Variants in RBMS3 observed in about 807,000 individuals in gnomAD.
The protein encoded by RBMS3 is RNA binding motif single stranded interacting protein 3.
RBMS3 carries 27 observed loss-of-function variants against 66.8 expected under a neutral mutation model. The observed-to-expected ratio is 0.40, with a 90% confidence interval of 0.30 to 0.56. RBMS3 has a LOEUF of 0.56. RBMS3 is among the 20% of genes least tolerant of loss of function. The pLI, the probability that RBMS3 is intolerant of heterozygous loss-of-function variation, is 0.40. For synonymous variants in RBMS3, 188 were observed against 183.0 expected (o/e 1.03, Z -0.22); for missense variants, 513 against 549.5 (o/e 0.93, Z 0.66).
intron 4 of RBMS3, among the ~76,000 whole-genome samples, chr3:29,656,241 T>G (rs1049029573): frequency 1.3e-5 from 2 of 152,192 alleles, no homozygotes; most frequent in African/African-American, 2.4e-5. Flanking sequence ...CACCACCCAG[T>G]CACTGGCTGA....
intron 4 of RBMS3, among the ~76,000 whole-genome samples, chr3:29,588,771 A>C (rs2047621995): frequency 6.6e-6 from 1 of 152,110 alleles, no homozygotes; most frequent in African/African-American, 2.4e-5. Context: ...GTCTTGGTTT[A>C]AAGGTTACTT....
At chr3:29,790,772 G>T (rs1367736120) in intron 6 of RBMS3, among the ~76,000 whole-genome samples, 14 of 152,122 alleles carry the variant, frequency 9.2e-5, no homozygotes, top group African/African-American at 2.9e-4. Flanking sequence ...GGATTTTGAA[G>T]TTTAAAATGC....
At chr3:29,364,653 C>A (rs1018728515) in intron 1 of RBMS3, among the ~76,000 whole-genome samples, 1 of 152,120 alleles carries the variant, frequency 6.6e-6, no homozygotes, top group African/African-American at 2.4e-5. Context: ...TTGGAAACAG[C>A]CATGAGAGTC....
At chr3:29,500,063 TTTC>T (rs200645552) in intron 3 of RBMS3, among the ~76,000 whole-genome samples, 16,628 of 145,450 alleles carry the variant, frequency 0.11, 1,204 homozygotes, top group African/African-American at 0.24. Context: ...TGAGAAGGAT[TTTC>T]TTTTTTTTTT....
intron 1 of RBMS3, among the ~76,000 whole-genome samples, chr3:29,291,390 A>G (rs2032800097): frequency 6.6e-6 from 1 of 151,928 alleles, no homozygotes; most frequent in Admixed American, 6.6e-5. Flanking sequence ...AAATGTCATT[A>G]ACATTCTTTG....
chr3:29,475,532 G>C (rs1471347989), intron 2 of RBMS3, among the ~76,000 whole-genome samples: 1 of 152,144 alleles, frequency 6.6e-6, no homozygotes, highest in African/African-American at 2.4e-5. Context: ...TTACAGGCGT[G>C]AATCACTGCG....
rs1033509207 is a variant in RBMS3, at chr3:29,734,517, A to C, written c.400-5203A>C. ...CAAAATATCACTTTGCACCACATAC[A>C]TTTGTACAATTATTACTGGCCAATT... On this transcript the variant is annotated intron_variant, in intron 4 of 14. Coordinates refer to ENST00000383767, the MANE Select transcript of RBMS3 (RefSeq NM_001003793.3). Among the ~76,000 whole-genome samples, 48 of 152,230 alleles carry C rather than the reference A, an allele frequency of 3.2e-4. 2 individuals are homozygous for C. In the Middle Eastern group the frequency reaches 0.01, roughly 32 times the overall value.
intron 10 of RBMS3, among the ~76,000 whole-genome samples, chr3:29,918,258 G>A (rs1175956901): frequency 6.6e-6 from 1 of 151,990 alleles, no homozygotes; most frequent in African/African-American, 2.4e-5. Flanking sequence ...GTATATGAAA[G>A]ACAAAATATT....
intron 6 of RBMS3, among the ~76,000 whole-genome samples, chr3:29,801,272 C>CTGTTTTTTTTTTTT: frequency 7.7e-6 from 1 of 129,470 alleles, no homozygotes; most frequent in Admixed American, 8.0e-5. Flanking sequence ...TGCTTTTTTT[C>CTGTTTTTTTTTTTT]TTTTTTTTTT....
rs568013349 is a variant in RBMS3 at position 29,698,421 on chromosome 3, G to C, written c.400-41299G>C. Reference sequence around the variant, plus strand: ...TAAATTCTATAGCCAGGATATCACAGACATTGCCATGAAAGTGGTAAATGG... The same window carrying C: ...TAAATTCTATAGCCAGGATATCACACACATTGCCATGAAAGTGGTAAATGG... On this transcript the variant is annotated intron_variant, in intron 4 of 14. Transcript: ENST00000383767. The C allele has an allele frequency of 2.0e-4, 196 of 985,270 alleles. 2 individuals carry two copies. The South Asian group carries it at 4.5e-3, about 22-fold the overall frequency. 61.0% of individuals were successfully genotyped at this position (985,270 alleles called of 1,614,324 possible).
intron 3 of RBMS3, among the ~76,000 whole-genome samples, chr3:29,511,925 GAGA>G (rs534418364): frequency 8.7e-4 from 133 of 152,244 alleles, no homozygotes; most frequent in African/African-American, 3.1e-3. Context: ...ATTCCCTGGA[GAGA>G]AGAAGTTAGA....
chr3:29,372,705 C>T (rs1186327249), intron 1 of RBMS3, among the ~76,000 whole-genome samples: 1 of 151,896 alleles, frequency 6.6e-6, no homozygotes, highest in Non-Finnish European at 1.5e-5. Flanking sequence ...CAAAGCACAT[C>T]TTTCTTGTGT....
intron 2 of RBMS3, among the ~76,000 whole-genome samples, chr3:29,446,938 G>T (rs2041854549): frequency 9.4e-6 from 1 of 106,632 alleles, no homozygotes; most frequent in Non-Finnish European, 1.8e-5. Flanking sequence ...TTTGGAGACA[G>T]AGTATCACTC....
intron 10 of RBMS3, among the ~76,000 whole-genome samples, chr3:29,929,212 T>C (rs1435845741): frequency 2.0e-5 from 3 of 152,148 alleles, no homozygotes; most frequent in Non-Finnish European, 4.4e-5. Flanking sequence ...AAATCTCAAA[T>C]TTTCAACTCT....
chr3:29,539,512 A>C (rs1428049861), intron 3 of RBMS3, among the ~76,000 whole-genome samples: 5 of 152,146 alleles, frequency 3.3e-5, no homozygotes, highest in Admixed American at 2.0e-4. Context: ...AGCTTATTAC[A>C]TCTAATCTTC....
At chr3:29,714,060 A>T (rs1275783410) in intron 4 of RBMS3, among the ~76,000 whole-genome samples, 3 of 152,186 alleles carry the variant, frequency 2.0e-5, no homozygotes, top group Non-Finnish European at 4.4e-5. Context: ...GTCTCAAAAA[A>T]ACAAAAGAAA....
At chr3:29,533,058 A>G (rs2045425227) in intron 3 of RBMS3, among the ~76,000 whole-genome samples, 1 of 152,168 alleles carries the variant, frequency 6.6e-6, no homozygotes, top group African/African-American at 2.4e-5. Context: ...TTAAAGTGCT[A>G]TGTTTTATGC....
chr3:29,807,116 C>T (rs898746604), intron 6 of RBMS3, among the ~76,000 whole-genome samples: 6 of 151,772 alleles, frequency 4.0e-5, no homozygotes, highest in Admixed American at 6.6e-5. Context: ...AAAAACATGA[C>T]GGGGCTGTAA....
intron 6 of RBMS3, among the ~76,000 whole-genome samples, chr3:29,852,363 A>C (rs1315401639): frequency 2.6e-5 from 4 of 152,244 alleles, no homozygotes; most frequent in Non-Finnish European, 4.4e-5. Flanking sequence ...GACAATCAAC[A>C]GAGTAAACAG....
Sources: gnomAD v4.1 joint callset for allele counts (sites outside exome capture counted in the v4.1 genomes callset) on GRCh38, gnomAD v4.1.1 for gene constraint, MANE v1.5 for transcripts, NCBI Gene and HGNC (gene_info 2026-07-23, HGNC 2026-07-21) for gene names.